The following LRP1B variants were observed in gnomAD, a reference collection of about 807,000 sequenced individuals.
LRP1B encodes the protein low-density lipoprotein receptor-related protein 1B.
LRP1B carries 217 observed loss-of-function variants against 556.6 expected under a neutral mutation model. That is an observed-to-expected ratio of 0.39 (90% CI 0.35 to 0.44). LRP1B has a LOEUF of 0.44. Ranked by LOEUF, LRP1B falls within the 20% of genes least tolerant of loss-of-function variation. The pLI, the probability that LRP1B is intolerant of heterozygous loss-of-function variation, is 1.00. For synonymous variants in LRP1B, 2,047 were observed against 1,865.8 expected, an observed-to-expected ratio of 1.10 and a Z score of -2.50; for missense variants, 5,053 against 5,620.8, an observed-to-expected ratio of 0.90 and a Z score of 3.23.
chr2:141,848,798 G>A (rs545996276), intron 1 of LRP1B, among the ~76,000 whole-genome samples: 3 of 151,448 alleles, frequency 2.0e-5, no homozygotes, highest in South Asian at 2.1e-4. Flanking sequence ...AAAACAAGAG[G>A]AAATAACGGA....
intron 3 of LRP1B, among the ~76,000 whole-genome samples, chr2:141,357,367 A>G (rs1469607501): frequency 6.6e-6 from 1 of 152,190 alleles, no homozygotes; most frequent in Admixed American, 6.5e-5. Flanking sequence ...GAGAGCTTTG[A>G]TAAGAAATAC....
chr2:141,201,375 C>T (rs1457773973), intron 6 of LRP1B, among the ~76,000 whole-genome samples: 3 of 152,086 alleles, frequency 2.0e-5, no homozygotes, highest in South Asian at 4.1e-4. Context: ...ATCTAGAGTG[C>T]TTTCTTATCT....
intron 14 of LRP1B, among the ~76,000 whole-genome samples, chr2:141,009,516 G>A (rs1298723922): frequency 3.3e-5 from 5 of 151,772 alleles, no homozygotes; most frequent in African/African-American, 7.3e-5. Flanking sequence ...TTGTTTTGGC[G>A]GGGAGGTTTG....
intron 3 of LRP1B, among the ~76,000 whole-genome samples, chr2:141,396,767 C>A (rs987468092): frequency 1.3e-5 from 2 of 151,998 alleles, no homozygotes; most frequent in Non-Finnish European, 2.9e-5. Flanking sequence ...AGGCACATTT[C>A]TATTAGACAA....
chr2:141,998,491 C>A (rs1574577192), intron 1 of LRP1B, among the ~76,000 whole-genome samples: 1 of 152,024 alleles, frequency 6.6e-6, no homozygotes, highest in African/African-American at 2.4e-5. Flanking sequence ...TTAAAAGAGG[C>A]AAAAAGGTTA....
intron 3 of LRP1B, among the ~76,000 whole-genome samples, chr2:141,442,422 A>G (rs1168476874): frequency 8.1e-6 from 1 of 123,376 alleles, no homozygotes; most frequent in African/African-American, 3.2e-5. Flanking sequence ...ATCTTCACAC[A>G]TTCTTTTTTT....
intron 54 of LRP1B, among the ~76,000 whole-genome samples, chr2:140,502,220 T>C (rs1002900532): frequency 6.6e-6 from 1 of 152,004 alleles, no homozygotes; most frequent in African/African-American, 2.4e-5. Flanking sequence ...CCTCAAGCCA[T>C]AGGTCTCTGA....
At chr2:141,689,871 T>C (rs1002450619) in intron 2 of LRP1B, among the ~76,000 whole-genome samples, 1 of 151,778 alleles carries the variant, frequency 6.6e-6, no homozygotes, top group Non-Finnish European at 1.5e-5. Flanking sequence ...TATTATTTCC[T>C]CCAGTATAAA....
chr2:140,783,855 G>A (rs1689788973), intron 32 of LRP1B, among the ~76,000 whole-genome samples: 1 of 152,186 alleles, frequency 6.6e-6, no homozygotes, highest in Admixed American at 6.5e-5. Flanking sequence ...ACACTGAGAA[G>A]AAGGATTACG....
At chr2:141,931,105 C>T (rs913675028) in intron 1 of LRP1B, among the ~76,000 whole-genome samples, 1 of 152,030 alleles carries the variant, frequency 6.6e-6, no homozygotes, top group Admixed American at 6.6e-5. Flanking sequence ...AGAATACATA[C>T]ACATTCTACT....
chr2:141,857,014 C>T lies in LRP1B; in HGVS notation c.83-46613G>A, dbSNP rs141041900. Among the ~76,000 whole-genome samples, 168 of 151,552 alleles carry T rather than the reference C, an allele frequency of 1.1e-3. 6 individuals are homozygous for T. The East Asian group carries it at 0.032, about 29-fold the overall frequency. ...TCAACTCTAAAATGTGAAAATTATT[C>T]TCTACATTCTAGATTAGATAATTTG... is the stretch of plus-strand genomic sequence containing the variant. On this transcript the variant is annotated intron_variant, in intron 1 of 90. Transcript: ENST00000389484.
rs149715221 is a variant in LRP1B, at chr2:141,296,934, A to G, written c.344-42293T>C. 4.8e-3 allele frequency among the ~76,000 whole-genome samples: 734 copies of G among 152,196 alleles called. 7 individuals carry two copies. The highest frequency in any genetic ancestry group is 0.017 in the African/African-American group (703 of 41,520). On this transcript the variant is annotated intron_variant, in intron 3 of 90. Transcript: ENST00000389484. Reference sequence around the variant, plus strand: ...CTACTGTACCCAATTGTTAGCTCCCACTTATAGGTGAGAACATGCAATATT... The same window carrying G: ...CTACTGTACCCAATTGTTAGCTCCCGCTTATAGGTGAGAACATGCAATATT...
At chr2:140,242,895 A>C (rs560064786) in intron 87 of LRP1B, among the ~76,000 whole-genome samples, 1 of 151,310 alleles carries the variant, frequency 6.6e-6, no homozygotes, top group Admixed American at 6.6e-5. Flanking sequence ...GATGTTGAAG[A>C]AAATTTAGGA....
intron 17 of LRP1B, among the ~76,000 whole-genome samples, chr2:140,984,813 T>A (rs531866303): frequency 6.6e-6 from 1 of 152,220 alleles, no homozygotes; most frequent in East Asian, 1.9e-4. Flanking sequence ...AGAAAATTAT[T>A]CACTTAGTCT....
chr2:141,566,018 G>T (rs576695373), intron 2 of LRP1B, among the ~76,000 whole-genome samples: 1 of 152,044 alleles, frequency 6.6e-6, no homozygotes, highest in African/African-American at 2.4e-5. Context: ...AAAGGTGCAA[G>T]GAATGACCTT....
At chr2:140,940,635 T>C (rs1442018501) in intron 20 of LRP1B, among the ~76,000 whole-genome samples, 2 of 152,196 alleles carry the variant, frequency 1.3e-5, no homozygotes, top group African/African-American at 4.8e-5. Flanking sequence ...CCTTACTTAT[T>C]TTTCCATTGA....
intron 1 of LRP1B, among the ~76,000 whole-genome samples, chr2:141,880,175 T>C (rs1205839712): frequency 6.6e-6 from 1 of 151,998 alleles, no homozygotes; most frequent in Non-Finnish European, 1.5e-5. Context: ...AAGGGCCAAG[T>C]CTTCTTTTGA....
At chr2:140,313,187 C>G (rs188631085) in intron 83 of LRP1B, among the ~76,000 whole-genome samples, 1 of 151,758 alleles carries the variant, frequency 6.6e-6, no homozygotes, top group Non-Finnish European at 1.5e-5. Context: ...TTATTAGATG[C>G]TATAAAATAA....
intron 6 of LRP1B, among the ~76,000 whole-genome samples, chr2:141,224,149 G>GAC (rs143871429): frequency 0.68 from 93,217 of 137,632 alleles, 29,401 homozygotes; most frequent in East Asian, 0.9. Context: ...TAAACAAATT[G>GAC]ACACACACAC....
Sources: gnomAD v4.1 joint callset for allele counts (sites outside exome capture counted in the v4.1 genomes callset) on GRCh38, gnomAD v4.1.1 for gene constraint, MANE v1.5 for transcripts, NCBI Gene and HGNC (gene_info 2026-07-23, HGNC 2026-07-21) for gene names.